The following PYGL variants were observed in gnomAD, a reference collection of about 807,000 sequenced individuals.
PYGL encodes glycogen phosphorylase, liver form.
In PYGL, 90 loss-of-function variants were observed where a neutral mutation model predicts 100.1. The ratio of observed to expected loss-of-function variants is 0.90; its 90% confidence interval spans 0.76 to 1.07. The LOEUF is 1.07. Among genes scored for constraint, PYGL ranks in the 50% least tolerant of loss-of-function variants. PYGL has a pLI of 0.00. For synonymous variants in PYGL, 373 were observed against 393.0 expected (o/e 0.95, Z 0.60); for missense variants, 1,016 against 1,057.6 (o/e 0.96, Z 0.55).
At chr14:50,941,414 C>T (rs537747479) in intron 1 of PYGL, among the ~76,000 whole-genome samples, 1 of 152,288 alleles carries the variant, frequency 6.6e-6, no homozygotes, top group African/African-American at 2.4e-5. Flanking sequence ...CACGTGAAGT[C>T]AGCTGCAACA....
intron 5 of PYGL, chr14:50,923,712 AC>A: frequency 3.5e-6 from 1 of 287,534 alleles, no homozygotes; most frequent in Non-Finnish European, 6.5e-6. Flanking sequence ...AAAAAAAAGA[AC>A]TGACAATTTT....
chr14:50,926,663 T>G (rs1329339043), intron 4 of PYGL, among the ~76,000 whole-genome samples: 2 of 128,124 alleles, frequency 1.6e-5, no homozygotes, highest in Non-Finnish European at 3.1e-5. Context: ...GAGGCAGAGG[T>G]TGCAGAGAGC....
Position 50,905,268 on chromosome 14 carries a change from C to A in PYGL, c.*124G>T. ...TTTAAGCTCTATTACATATAATTTC[C>A]CTCCCCATTCCCAGAGATACTCAAC... On this transcript the variant is annotated 3_prime_UTR_variant, in exon 20 of 20. Transcript: ENST00000216392. 9.8e-7 allele frequency: 1 copy of A among 1,016,460 alleles called. No individual in the cohort carries two copies. The allele number at this position is 1,016,460 out of a possible 1,614,324, so 63.0% of individuals were successfully genotyped here. A position where few individuals can be genotyped will look rare whatever the true frequency, so the allele number is the denominator to read the frequency against.
intron 7 of PYGL, among the ~76,000 whole-genome samples, chr14:50,919,747 T>C (rs1235025243): frequency 1.3e-5 from 2 of 152,146 alleles, no homozygotes; most frequent in Non-Finnish European, 2.9e-5. Flanking sequence ...AGTGGTGCAA[T>C]CTCGGCTCAC....
chr14:50,932,603 A>G (rs2050611971), intron 3 of PYGL, among the ~76,000 whole-genome samples: 1 of 152,178 alleles, frequency 6.6e-6, no homozygotes, highest in Non-Finnish European at 1.5e-5. Context: ...TTCTTGTTAT[A>G]TGATAACACA....
intron 6 of PYGL, 149 bp downstream of exon 6, chr14:50,920,807 A>G: frequency 1.0e-6 from 1 of 989,406 alleles, no homozygotes; most frequent in Non-Finnish European, 1.6e-6. Flanking sequence ...TGCCCTCCCT[A>G]CTTCCTCCAT....
In PYGL at chr14:50,915,056, C is replaced by T. The variant is rs2050432780; in HGVS notation, c.1404-241G>A. The T allele has an allele frequency of 6.5e-6, 4 of 618,588 alleles. No individual in the cohort carries two copies. In the East Asian group the frequency reaches 1.1e-4, roughly 17 times the overall value. The allele number at this position is 618,588 out of a possible 1,614,324, so 38.3% of individuals were successfully genotyped here. ...CTTCCATCTGACTTCTTCACACTGA[C>T]ATATATACTACACTTTCAGTAGAAT... is the stretch of plus-strand genomic sequence containing the variant. On this transcript the variant is annotated intron_variant, in intron 11 of 19. Coordinates refer to ENST00000216392, the MANE Select transcript of PYGL (RefSeq NM_002863.5).
intron 3 of PYGL, among the ~76,000 whole-genome samples, 195 bp from the exon 4 acceptor site, chr14:50,931,971 TATAGA>T (rs1414687083): frequency 6.6e-6 from 1 of 152,208 alleles, no homozygotes; most frequent in Admixed American, 6.5e-5. Flanking sequence ...AAATTAATAC[TATAGA>T]AAAGTTAGAA....
At chr14:50,912,897 T>C (rs930226791) in intron 13 of PYGL, 132 bp downstream of exon 13, 7 of 775,462 alleles carry the variant, frequency 9.0e-6, no homozygotes, top group African/African-American at 6.9e-5. Flanking sequence ...GAGGTTGCAG[T>C]GAGCCGAGAT....
At chr14:50,921,204 G>A in intron 5 of PYGL, 137 bp from the exon 6 acceptor site, 2 of 694,118 alleles carry the variant, frequency 2.9e-6, no homozygotes, top group Admixed American at 4.3e-5. Flanking sequence ...CCTAAATGGA[G>A]AAGAGGGTCT....
intron 7 of PYGL, among the ~76,000 whole-genome samples, chr14:50,919,485 C>T (rs933022458): frequency 2.0e-5 from 3 of 152,092 alleles, no homozygotes; most frequent in African/African-American, 7.2e-5. Context: ...CCTAGTCCCC[C>T]CAAGATCCTT....
rs1228740201 is a variant in PYGL, at chr14:50,920,598, A to G, written c.798T>C (p.Ala266=). 6.2e-7 allele frequency: 1 copy of G among 1,612,718 alleles called. No homozygotes were observed. Among genetic ancestry groups the G allele is most frequent in the African/African-American group, 1.3e-5 (1 of 75,034 alleles). The change falls in exon 7 of 20, where the codon GCT becomes GCC. Residue 266 remains alanine (A), a synonymous_variant. Transcript: ENST00000216392. The part of the protein sequence containing the change: ...RDFNVGDYIQ[A]VLDRNLAENI... ...TCTCGGCCAGGTTTCGGTCCAGCACAGCCTGAATGTAGTCTCCAACATTAA... is the reference window on the plus strand; with the variant it reads ...TCTCGGCCAGGTTTCGGTCCAGCACGGCCTGAATGTAGTCTCCAACATTAA...
chr14:50,923,687 C>CA (rs762951824), intron 5 of PYGL: 4,860 of 118,758 alleles, frequency 0.041, 72 homozygotes, highest in East Asian at 0.076. Context: ...AATTTTCTGG[C>CA]AAAAAAAAAA....
chr14:50,906,387 TGTAA>T, intron 19 of PYGL, among the ~76,000 whole-genome samples: 1 of 152,230 alleles, frequency 6.6e-6, no homozygotes. Context: ...GGAAGCTTCC[TGTAA>T]TAAGAGGAGG....
intron 4 of PYGL, among the ~76,000 whole-genome samples, chr14:50,930,671 C>T (rs1197350598): frequency 2.0e-5 from 3 of 152,154 alleles, no homozygotes; most frequent in Admixed American, 2.0e-4. Flanking sequence ...TAAACTCATT[C>T]TCATAGGGTT....
intron 4 of PYGL, among the ~76,000 whole-genome samples, chr14:50,926,583 G>A (rs573719513): frequency 2.6e-5 from 4 of 151,132 alleles, no homozygotes; most frequent in South Asian, 2.1e-4. Context: ...AAAATTAGCC[G>A]GGCATGGTGG....
At chr14:50,920,317 G>T (rs1046717140) in intron 7 of PYGL, among the ~76,000 whole-genome samples, 1 of 152,136 alleles carries the variant, frequency 6.6e-6, no homozygotes, top group Admixed American at 6.5e-5. Context: ...TAGTGATGGG[G>T]TCACTAATCA....
At chr14:50,910,834 T>C (rs924671769) in intron 16 of PYGL, among the ~76,000 whole-genome samples, 16 of 152,352 alleles carry the variant, frequency 1.1e-4, no homozygotes, top group Non-Finnish European at 2.4e-4. Context: ...TGCCTGGGGC[T>C]AGACATCTAG....
intron 19 of PYGL, among the ~76,000 whole-genome samples, chr14:50,907,134 T>C (rs1469373899): frequency 2.6e-5 from 4 of 152,100 alleles, no homozygotes; most frequent in Non-Finnish European, 1.5e-5. Context: ...AGCTAGAGAG[T>C]TGTTTGATAA....
Sources: gnomAD v4.1 joint callset for allele counts (sites outside exome capture counted in the v4.1 genomes callset) on GRCh38, gnomAD v4.1.1 for gene constraint, MANE v1.5 for transcripts, NCBI Gene and HGNC (gene_info 2026-07-23, HGNC 2026-07-21) for gene names.